The following GALNTL6 variants were observed in gnomAD, a reference collection of about 807,000 sequenced individuals.
The protein encoded by GALNTL6 is polypeptide N-acetylgalactosaminyltransferase like 6.
A neutral mutation model predicts 73.7 loss-of-function variants in GALNTL6; 46 were observed. The observed-to-expected ratio is 0.62, with a 90% CI of 0.49 to 0.80. GALNTL6 has a LOEUF of 0.80. Among genes scored for constraint, GALNTL6 ranks in the 30% least tolerant of loss-of-function variants. The pLI is 0.00. For synonymous variants in GALNTL6, 259 were observed against 263.7 expected (o/e 0.98, Z 0.17); for missense variants, 604 against 755.0 (o/e 0.80, Z 2.34).
At chr4:172,470,040 A>G (rs962541064) in intron 5 of GALNTL6, among the ~76,000 whole-genome samples, 1 of 152,210 alleles carries the variant, frequency 6.6e-6, no homozygotes, top group Non-Finnish European at 1.5e-5. Context: ...GACAAGTGAG[A>G]CTGCCCTATT....
chr4:172,144,938 G>A (rs1733890235), intron 2 of GALNTL6, among the ~76,000 whole-genome samples: 1 of 151,908 alleles, frequency 6.6e-6, no homozygotes, highest in African/African-American at 2.4e-5. Context: ...CATTTCTTTA[G>A]TGGATTTAAG....
chr4:172,331,304 G>T (rs916478341), intron 4 of GALNTL6, among the ~76,000 whole-genome samples: 1 of 151,294 alleles, frequency 6.6e-6, no homozygotes, highest in Non-Finnish European at 1.5e-5. Context: ...TTTTGAGATG[G>T]AGTTTCACTC....
intron 2 of GALNTL6, among the ~76,000 whole-genome samples, chr4:171,920,752 C>G (rs760475494): frequency 2.6e-5 from 4 of 152,040 alleles, no homozygotes; most frequent in Non-Finnish European, 5.9e-5. Flanking sequence ...TTCCTGACAC[C>G]ATTTTCAAAG....
In GALNTL6 at chr4:173,039,906, C is replaced by CTT. The variant is rs978572525; in HGVS notation, c.1639-24_1639-23dup. 15 of 1,586,652 alleles carry CTT rather than the reference C, an allele frequency of 9.5e-6. No individual in the cohort carries two copies. In the African/African-American group the frequency reaches 2.0e-4, roughly 22 times the overall value. On this transcript the variant is annotated intron_variant, in intron 12 of 12. Transcript: ENST00000506823. Reference sequence around the variant, plus strand: ...ACCATTCACCACGTATTACAACAGTCTTTTCTTTTCTTCCTCACTCCTCCA... The same window carrying CTT: ...ACCATTCACCACGTATTACAACAGTCTTTTTTCTTTTCTTCCTCACTCCTCCA...
chr4:172,462,744 T>C (rs1310964375), intron 5 of GALNTL6, among the ~76,000 whole-genome samples: 1 of 152,132 alleles, frequency 6.6e-6, no homozygotes, highest in Non-Finnish European at 1.5e-5. Flanking sequence ...TGTCAAGAAA[T>C]ATGTGTTGCC....
At chr4:171,927,171 A>G (rs889861370) in intron 2 of GALNTL6, among the ~76,000 whole-genome samples, 1 of 152,138 alleles carries the variant, frequency 6.6e-6, no homozygotes, top group Non-Finnish European at 1.5e-5. Flanking sequence ...ATTCTGTTCC[A>G]TTAAGAAAAT....
At chr4:172,415,032 T>C (rs111331351) in intron 5 of GALNTL6, among the ~76,000 whole-genome samples, 5 of 152,348 alleles carry the variant, frequency 3.3e-5, no homozygotes, top group South Asian at 4.1e-4. Context: ...TTCTTTCTTG[T>C]AATACTGTGT....
chr4:171,958,759 T>C (rs1007752875), intron 2 of GALNTL6, among the ~76,000 whole-genome samples: 1 of 152,132 alleles, frequency 6.6e-6, no homozygotes, highest in Non-Finnish European at 1.5e-5. Flanking sequence ...ATGTAATGCA[T>C]TGATAAACAT....
intron 2 of GALNTL6, among the ~76,000 whole-genome samples, chr4:172,173,905 G>A (rs1477172658): frequency 6.6e-6 from 1 of 152,156 alleles, no homozygotes; most frequent in Non-Finnish European, 1.5e-5. Flanking sequence ...GAGCCAGGGA[G>A]GGGGTGCAGA....
chr4:172,864,906 A>G (rs1429551410), intron 7 of GALNTL6, among the ~76,000 whole-genome samples: 2 of 152,196 alleles, frequency 1.3e-5, no homozygotes, highest in Non-Finnish European at 2.9e-5. Context: ...ATAAAGTAAA[A>G]CTTTTAGATA....
At chr4:172,191,309 A>G (rs1255802018) in intron 2 of GALNTL6, among the ~76,000 whole-genome samples, 1 of 152,138 alleles carries the variant, frequency 6.6e-6, no homozygotes, top group African/African-American at 2.4e-5. Flanking sequence ...TGGTCTCCAT[A>G]GGTAACTGTT....
At chr4:172,433,400 A>C (rs902370203) in intron 5 of GALNTL6, among the ~76,000 whole-genome samples, 7 of 151,840 alleles carry the variant, frequency 4.6e-5, no homozygotes, top group African/African-American at 1.7e-4. Context: ...TCATGCTGTC[A>C]CTCTTTGCTC....
chr4:172,345,404 A>AT (rs1486633833), intron 4 of GALNTL6, among the ~76,000 whole-genome samples: 1 of 152,214 alleles, frequency 6.6e-6, no homozygotes, highest in East Asian at 1.9e-4. Flanking sequence ...ATGTCTTGAT[A>AT]GTTGTGTTTC....
At chr4:171,957,050 C>G in intron 2 of GALNTL6, among the ~76,000 whole-genome samples, 1 of 152,190 alleles carries the variant, frequency 6.6e-6, no homozygotes, top group Non-Finnish European at 1.5e-5. Flanking sequence ...GATGGCCTCA[C>G]TGCGGGGAAT....
chr4:172,423,642 A>G (rs760412228), intron 5 of GALNTL6, among the ~76,000 whole-genome samples: 8 of 152,096 alleles, frequency 5.3e-5, no homozygotes, highest in Non-Finnish European at 8.8e-5. Context: ...AATATTTATC[A>G]TTGCCTAATA....
At chr4:172,721,684 A>C (rs1234685747) in intron 5 of GALNTL6, among the ~76,000 whole-genome samples, 1 of 152,188 alleles carries the variant, frequency 6.6e-6, no homozygotes, top group Non-Finnish European at 1.5e-5. Context: ...GTTGTCCTGT[A>C]TTCTTTGTCA....
intron 5 of GALNTL6, among the ~76,000 whole-genome samples, chr4:172,787,666 A>G: frequency 6.6e-6 from 1 of 152,326 alleles, no homozygotes; most frequent in East Asian, 1.9e-4. Flanking sequence ...TGAAATCACC[A>G]GGAGGATCAC....
At chr4:173,012,339 C>T (rs1752592597) in intron 11 of GALNTL6, among the ~76,000 whole-genome samples, 1 of 152,168 alleles carries the variant, frequency 6.6e-6, no homozygotes, top group African/African-American at 2.4e-5. Flanking sequence ...CCTCGCCCCA[C>T]CTCACTGCCC....
chr4:172,773,544 C>T (rs1376833990), intron 5 of GALNTL6, among the ~76,000 whole-genome samples: 2 of 151,520 alleles, frequency 1.3e-5, no homozygotes, highest in Non-Finnish European at 2.9e-5. Context: ...GGTACTGTGA[C>T]ATTGTTTCTA....
Sources: gnomAD v4.1 joint callset for allele counts (sites outside exome capture counted in the v4.1 genomes callset) on GRCh38, gnomAD v4.1.1 for gene constraint, MANE v1.5 for transcripts, NCBI Gene and HGNC (gene_info 2026-07-23, HGNC 2026-07-21) for gene names.